Variants in CDH2 observed in about 807,000 individuals in gnomAD.
CDH2 encodes the protein cadherin-2.
A neutral mutation model predicts 92.0 loss-of-function variants in CDH2; 17 were observed. The ratio of observed to expected loss-of-function variants is 0.18; its 90% CI spans 0.13 to 0.28. CDH2 has a LOEUF of 0.28. Ranked by LOEUF, CDH2 falls within the 10% of genes least tolerant of loss-of-function variation. The pLI, the probability that CDH2 is intolerant of heterozygous loss-of-function variation, is 1.00. For synonymous variants in CDH2, 419 were observed against 415.9 expected (o/e 1.01, Z -0.09); for missense variants, 862 against 1,133.1 (o/e 0.76, Z 3.44).
chr18:28,104,290 G>T (rs2015285161), intron 2 of CDH2, among the ~76,000 whole-genome samples: 1 of 152,074 alleles, frequency 6.6e-6, no homozygotes, highest in African/African-American at 2.4e-5. Context: ...TGAAGAAACT[G>T]ACTAAATCAA....
intron 2 of CDH2, among the ~76,000 whole-genome samples, chr18:28,109,543 T>C (rs936049409): frequency 2.0e-5 from 3 of 152,068 alleles, no homozygotes; most frequent in African/African-American, 7.2e-5. Context: ...AACAAGACAA[T>C]AGGAGGAGCT....
At chr18:28,013,949 C>T (rs773066181) in intron 2 of CDH2, 40 bp from the exon 3 acceptor site, 1 of 1,481,706 alleles carries the variant, frequency 6.7e-7, no homozygotes, top group South Asian at 1.2e-5. Context: ...TATAATTATA[C>T]CAAAAAGGCA....
chr18:28,164,896 C>T (rs577747889), intron 1 of CDH2, among the ~76,000 whole-genome samples: 1 of 152,284 alleles, frequency 6.6e-6, no homozygotes, highest in East Asian at 1.9e-4. Context: ...TAGATAACAT[C>T]TGTTAAAATT....
At chr18:28,035,704 T>C (rs2013808552) in intron 2 of CDH2, among the ~76,000 whole-genome samples, 1 of 152,126 alleles carries the variant, frequency 6.6e-6, no homozygotes, top group Admixed American at 6.6e-5. Context: ...TGCATTAAAA[T>C]TTAAAGAGCT....
At chr18:28,096,531 A>G (rs911825194) in intron 2 of CDH2, among the ~76,000 whole-genome samples, 3 of 152,296 alleles carry the variant, frequency 2.0e-5, no homozygotes, top group East Asian at 3.9e-4. Context: ...GTAGTTTCAT[A>G]TAATTCCACT....
intron 2 of CDH2, among the ~76,000 whole-genome samples, chr18:28,097,525 T>G (rs1478605124): frequency 6.6e-6 from 1 of 152,120 alleles, no homozygotes; most frequent in Non-Finnish European, 1.5e-5. Flanking sequence ...GGATTCTGCA[T>G]CCACAGATTC....
chr18:28,006,456 G>T (rs909282485), intron 5 of CDH2, among the ~76,000 whole-genome samples: 1 of 151,968 alleles, frequency 6.6e-6, no homozygotes, highest in East Asian at 1.9e-4. Flanking sequence ...GGTGGCTCAC[G>T]CCTGTAATCC....
rs1284179941 is a variant in CDH2 at position 27,964,493 on chromosome 18, T to A, written c.2350-972A>T. Among the ~76,000 whole-genome samples, 3 of 152,232 alleles carry A rather than the reference T, an allele frequency of 2.0e-5. No individual in the cohort carries two copies. The East Asian group carries it at 5.8e-4, about 29-fold the overall frequency. On this transcript the variant is annotated intron_variant, in intron 14 of 15. Coordinates refer to ENST00000269141, the MANE Select transcript of CDH2 (RefSeq NM_001792.5). Reference sequence around the variant, plus strand: ...CAAGCTTACCCAACATTCTTTCAATTCAAAACTGACATTTGCAGCAAGCAT... The same window carrying A: ...CAAGCTTACCCAACATTCTTTCAATACAAAACTGACATTTGCAGCAAGCAT...
intron 2 of CDH2, among the ~76,000 whole-genome samples, chr18:28,056,345 A>T (rs1280412203): frequency 6.6e-6 from 1 of 152,142 alleles, no homozygotes; most frequent in Non-Finnish European, 1.5e-5. Flanking sequence ...GTCAAAACAA[A>T]TAGGTTTTCT....
At chr18:28,129,382 T>C (rs748645027) in intron 2 of CDH2, among the ~76,000 whole-genome samples, 1 of 152,178 alleles carries the variant, frequency 6.6e-6, no homozygotes, top group Non-Finnish European at 1.5e-5. Context: ...TCAAAAAATA[T>C]TTGAAAGGAG....
intron 5 of CDH2, among the ~76,000 whole-genome samples, chr18:28,008,610 G>C (rs1039145954): frequency 6.6e-6 from 1 of 152,102 alleles, no homozygotes; most frequent in East Asian, 1.9e-4. Context: ...TGGGATGAGG[G>C]GGGAAGGATA....
chr18:28,118,877 A>G (rs1028629813), intron 2 of CDH2, among the ~76,000 whole-genome samples: 17 of 152,242 alleles, frequency 1.1e-4, no homozygotes, highest in African/African-American at 3.9e-4. Flanking sequence ...ATATATAATT[A>G]CTAGCTAAAA....
intron 6 of CDH2, among the ~76,000 whole-genome samples, chr18:27,939,057 C>A (rs1300772023): frequency 6.6e-6 from 1 of 152,142 alleles, no homozygotes; most frequent in Non-Finnish European, 1.5e-5. Context: ...GATGAATTTT[C>A]TTTCTTCCTG....
At chr18:28,048,766 A>C (rs2014130779) in intron 2 of CDH2, among the ~76,000 whole-genome samples, 2 of 152,318 alleles carry the variant, frequency 1.3e-5, no homozygotes, top group South Asian at 4.1e-4. Context: ...ACTGCCAGCA[A>C]AAACAACAAA....
intron 2 of CDH2, among the ~76,000 whole-genome samples, chr18:28,022,064 G>A (rs2013424763): frequency 6.6e-6 from 1 of 151,928 alleles, no homozygotes. Flanking sequence ...GTTTCACAGT[G>A]TTTTTACATA....
chr18:28,050,747 C>A (rs1164731074), intron 2 of CDH2, among the ~76,000 whole-genome samples: 3 of 152,196 alleles, frequency 2.0e-5, no homozygotes, highest in Non-Finnish European at 1.5e-5. Context: ...TTCCCACCCC[C>A]AGATGGTCCA....
At chr18:27,967,779 C>A (rs150176790) in intron 14 of CDH2, among the ~76,000 whole-genome samples, 1 of 151,888 alleles carries the variant, frequency 6.6e-6, no homozygotes. Context: ...GTCTTAAGGG[C>A]GATATAGTTC....
intron 14 of CDH2, among the ~76,000 whole-genome samples, chr18:27,963,988 G>T (rs2011476627): frequency 1.3e-5 from 2 of 152,060 alleles, no homozygotes; most frequent in South Asian, 2.1e-4. Flanking sequence ...CTAGAGCAGA[G>T]GTCAGAAAAC....
intron 2 of CDH2, among the ~76,000 whole-genome samples, chr18:28,091,349 C>CTT (rs2015034333): frequency 6.6e-6 from 1 of 152,116 alleles, no homozygotes; most frequent in Non-Finnish European, 1.5e-5. Context: ...ACTTAAATAC[C>CTT]TTTCACCTAC....
Sources: allele counts gnomAD v4.1 joint callset (sites outside exome capture counted in the v4.1 genomes callset), GRCh38; gene constraint gnomAD v4.1.1; transcripts MANE v1.5; gene names NCBI Gene and HGNC (gene_info 2026-07-23, HGNC 2026-07-21).